The following GPR176 variants were observed in gnomAD, a reference collection of about 807,000 sequenced individuals.
GPR176 encodes G protein-coupled receptor 176, also known as G-protein coupled receptor 176.
A neutral mutation model predicts 35.4 loss-of-function variants in GPR176; 26 were observed. That is an observed-to-expected ratio of 0.74 (90% CI 0.54 to 1.02). GPR176 has a LOEUF of 1.02. Ranked by LOEUF, GPR176 falls within the 50% of genes least tolerant of loss-of-function variation. The pLI, the probability that GPR176 is intolerant of heterozygous loss-of-function variation, is 0.00. For missense variants in GPR176, 597 were observed against 665.3 expected (o/e 0.90, Z 1.13); for synonymous variants, 278 against 271.3 (o/e 1.02, Z -0.24).
At chr15:39,845,625 C>G (rs1332858156) in intron 1 of GPR176, among the ~76,000 whole-genome samples, 2 of 151,882 alleles carry the variant, frequency 1.3e-5, no homozygotes, top group Non-Finnish European at 2.9e-5. Context: ...CCTGGTGATT[C>G]CAACATATAA....
intron 1 of GPR176, among the ~76,000 whole-genome samples, chr15:39,879,253 T>A (rs1477929612): frequency 6.6e-6 from 1 of 152,184 alleles, no homozygotes; most frequent in African/African-American, 2.4e-5. Flanking sequence ...CCCTGTTTCT[T>A]AACTCCCTGT....
At chr15:39,821,883 G>C (rs1207150460) in intron 1 of GPR176, among the ~76,000 whole-genome samples, 8 of 152,208 alleles carry the variant, frequency 5.3e-5, no homozygotes, top group African/African-American at 1.9e-4. Flanking sequence ...CCCTGTGTGG[G>C]CCTCTCCCAT....
At chr15:39,867,780 A>G (rs1040015707) in intron 1 of GPR176, among the ~76,000 whole-genome samples, 7 of 152,120 alleles carry the variant, frequency 4.6e-5, no homozygotes, top group African/African-American at 1.7e-4. Context: ...TGAGGAGTGG[A>G]CACAAGGCTA....
chr15:39,819,314 T>C (rs181000060), intron 1 of GPR176, among the ~76,000 whole-genome samples: 1 of 152,164 alleles, frequency 6.6e-6, no homozygotes, highest in Non-Finnish European at 1.5e-5. Context: ...ACCATTCACA[T>C]TGCACTTAGG....
At chr15:39,880,420 G>A (rs2032429115) in intron 1 of GPR176, among the ~76,000 whole-genome samples, 1 of 152,028 alleles carries the variant, frequency 6.6e-6, no homozygotes, top group African/African-American at 2.4e-5. Flanking sequence ...TCTTAAACCT[G>A]CTTGTTAAAA....
intron 1 of GPR176, among the ~76,000 whole-genome samples, chr15:39,866,374 C>T (rs1278378892): frequency 6.6e-6 from 1 of 151,968 alleles, no homozygotes; most frequent in East Asian, 1.9e-4. Context: ...AAAACAGACC[C>T]TATGATTGAA....
At chr15:39,835,234 G>T (rs1248336081) in intron 1 of GPR176, among the ~76,000 whole-genome samples, 2 of 151,876 alleles carry the variant, frequency 1.3e-5, no homozygotes, top group African/African-American at 4.8e-5. Flanking sequence ...TGGTCAGGCT[G>T]GTCTCGAACT....
At chr15:39,822,763 T>G (rs1435923011) in intron 1 of GPR176, among the ~76,000 whole-genome samples, 1 of 152,216 alleles carries the variant, frequency 6.6e-6, no homozygotes, top group Middle Eastern at 3.2e-3. Flanking sequence ...CAGCTTAACT[T>G]CTTTCCATCA....
rs73399123 is a variant in GPR176, at chr15:39,857,400, G to A, written c.173-50142C>T. Among the ~76,000 whole-genome samples, 574 of 152,308 alleles carry A rather than the reference G, an allele frequency of 3.8e-3. 6 individuals are homozygous for A. Among genetic ancestry groups the A allele is most frequent in the African/African-American group, 0.013 (542 of 41,560 alleles). On this transcript the variant is annotated intron_variant, in intron 1 of 2. Transcript: ENST00000561100. ...AAGCCTTAAAAAGGAAATACGGCTG[G>A]GCACAGTGGCTCATGCCTGCAATCC...
chr15:39,812,238 T>C (rs1313645992), intron 1 of GPR176, among the ~76,000 whole-genome samples: 3 of 152,200 alleles, frequency 2.0e-5, no homozygotes, highest in Non-Finnish European at 4.4e-5. Flanking sequence ...TGTGAGGGTG[T>C]TGCCAACAGA....
At chr15:39,817,390 T>TGTG (rs1037471590) in intron 1 of GPR176, among the ~76,000 whole-genome samples, 5 of 152,238 alleles carry the variant, frequency 3.3e-5, no homozygotes, top group Non-Finnish European at 7.3e-5. Context: ...ATTCATTATT[T>TGTG]GTGAGACTGA....
At chr15:39,841,396 T>G (rs1044727729) in intron 1 of GPR176, among the ~76,000 whole-genome samples, 1 of 151,532 alleles carries the variant, frequency 6.6e-6, no homozygotes. Flanking sequence ...ACGGTCTTTG[T>G]AGAGCAAATC....
At chr15:39,914,896 C>T (rs2033685187) in intron 1 of GPR176, among the ~76,000 whole-genome samples, 2 of 152,178 alleles carry the variant, frequency 1.3e-5, no homozygotes, top group Non-Finnish European at 2.9e-5. Flanking sequence ...AAACAAGTAC[C>T]ATGAACCTTG....
At chr15:39,842,654 T>C (rs1025486482) in intron 1 of GPR176, among the ~76,000 whole-genome samples, 4 of 152,114 alleles carry the variant, frequency 2.6e-5, no homozygotes, top group African/African-American at 9.7e-5. Flanking sequence ...TCTGGCCATC[T>C]ATGAAGCAGG....
intron 1 of GPR176, among the ~76,000 whole-genome samples, chr15:39,811,454 T>G (rs79710567): frequency 0.041 from 6,196 of 152,272 alleles, 202 homozygotes; most frequent in Non-Finnish European, 0.065. Context: ...GATTATAGGT[T>G]GAGTATCCCT....
At chr15:39,830,657 T>G (rs1901013696) in intron 1 of GPR176, among the ~76,000 whole-genome samples, 1 of 152,218 alleles carries the variant, frequency 6.6e-6, no homozygotes, top group Admixed American at 6.5e-5. Context: ...CTCTGTGTGC[T>G]AAATGTTAAT....
chr15:39,889,231 C>G (rs912085716), intron 1 of GPR176, among the ~76,000 whole-genome samples: 22 of 152,244 alleles, frequency 1.4e-4, no homozygotes, highest in African/African-American at 5.3e-4. Flanking sequence ...AAAATAGGCC[C>G]ATGCTATTTC....
chr15:39,855,260 C>A lies in GPR176; in HGVS notation c.173-48002G>T, dbSNP rs370016421. Among the ~76,000 whole-genome samples the A allele has an allele frequency of 3.3e-5, 5 of 152,202 alleles. 1 individual carries two copies. The highest frequency in any genetic ancestry group is 1.9e-4 in the East Asian group (1 of 5,184). ...GCCAATGCTATTTTACTCCAAAACT[C>A]CAAAACTATGCATGAAGAACCTTCC... On this transcript the variant is annotated intron_variant, in intron 1 of 2. Coordinates refer to ENST00000561100, the MANE Select transcript of GPR176 (RefSeq NM_007223.3).
At position 39,821,992 on chromosome 15, in the gene GPR176, A is replaced by G. The variant is rs529311408; in HGVS notation, c.173-14734T>C. Among the ~76,000 whole-genome samples, 6 of 152,326 alleles carry G rather than the reference A, an allele frequency of 3.9e-5. No individual in the cohort carries two copies. The South Asian group carries it at 1.2e-3, about 32-fold the overall frequency. On this transcript the variant is annotated intron_variant, in intron 1 of 2. Transcript: ENST00000561100. Reference sequence around the variant, plus strand: ...AAAAGGCATTGCTACTTCTGTCCTCATCTCTTTTGAATCACTTGCTCTGGG... The same window carrying G: ...AAAAGGCATTGCTACTTCTGTCCTCGTCTCTTTTGAATCACTTGCTCTGGG...
Sources: allele counts gnomAD v4.1 joint callset (sites outside exome capture counted in the v4.1 genomes callset), GRCh38; gene constraint gnomAD v4.1.1; transcripts MANE v1.5; gene names NCBI Gene and HGNC (gene_info 2026-07-23, HGNC 2026-07-21).